MMS19: variants seen among roughly 807,000 people sequenced by gnomAD.
The protein encoded by MMS19 is MMS19 nucleotide excision repair protein homolog.
A neutral mutation model predicts 129.8 loss-of-function variants in MMS19; 77 were observed. The observed-to-expected ratio is 0.59, with a 90% confidence interval of 0.49 to 0.72. The LOEUF is 0.72. Among genes scored for constraint, MMS19 ranks in the 30% least tolerant of loss-of-function variants. The pLI, the probability that MMS19 is intolerant of heterozygous loss-of-function variation, is 0.00. For missense variants in MMS19, 1,168 were observed against 1,266.3 expected, an observed-to-expected ratio of 0.92 and a Z score of 1.18; for synonymous variants, 491 against 502.8, an observed-to-expected ratio of 0.98 and a Z score of 0.31.
intron 25 of MMS19, 78 bp from the exon 26 acceptor site, chr10:97,460,310 G>A (rs1319978917): frequency 1.4e-5 from 19 of 1,360,542 alleles, no homozygotes; most frequent in Non-Finnish European, 1.8e-5. Flanking sequence ...GGCCGGGTGT[G>A]GTGGCTCATG....
Position 97,462,095 on chromosome 10 carries a change from G to GT in MMS19, c.2036dup (p.His679GlnfsTer16), listed in dbSNP as rs1434483474. The GT allele has an allele frequency of 6.3e-7, 1 of 1,583,796 alleles. No individual in the cohort carries two copies. Among genetic ancestry groups the GT allele is most frequent in the Non-Finnish European group, 8.6e-7 (1 of 1,164,548 alleles). The stretch of plus-strand genomic sequence containing the variant: ...TGCCATCCAAGAAGAGGGGCACAAT[G>GT]TGTGTCACACTCTGGGCAGCTAACC... On this transcript the variant is annotated frameshift_variant, in exon 21 of 31. Transcript: ENST00000438925. LOFTEE classifies it high-confidence loss of function.
chr10:97,458,531 T>C lies in MMS19; in HGVS notation c.*161A>G. 1.5e-6 allele frequency: 1 copy of C among 674,100 alleles called. No individual in the cohort carries two copies. The highest frequency in any genetic ancestry group is 2.5e-6 in the Non-Finnish European group (1 of 401,988). 41.8% of individuals were successfully genotyped at this position (674,100 alleles called of 1,614,324 possible). On this transcript the variant is annotated 3_prime_UTR_variant, in exon 31 of 31. Transcript: ENST00000438925. ...ACAAATCCACTAGAAATATGGACTC[T>C]TATGTTCTTTGTACAGCCATGCAAC...
intron 4 of MMS19, 99 bp downstream of exon 4, chr10:97,478,205 G>T: frequency 1.1e-6 from 1 of 932,856 alleles, no homozygotes; most frequent in Non-Finnish European, 1.7e-6. Context: ...TTGGGCACCT[G>T]CTCCTCAGCA....
intron 1 of MMS19, among the ~76,000 whole-genome samples, chr10:97,485,021 C>G (rs1298840401): frequency 6.6e-6 from 1 of 152,194 alleles, no homozygotes; most frequent in East Asian, 1.9e-4. Flanking sequence ...ATGATCCTCC[C>G]ATCTCAGTCT....
chr10:97,467,904 G>T (rs1418174022), intron 13 of MMS19, among the ~76,000 whole-genome samples: 1 of 149,912 alleles, frequency 6.7e-6, no homozygotes, highest in East Asian at 2.0e-4. Flanking sequence ...CTAGCCTCAA[G>T]TGATTGTCCT....
chr10:97,467,621 T>C (rs955160230), intron 13 of MMS19, 38 bp from the exon 14 acceptor site: 1 of 1,587,582 alleles, frequency 6.3e-7, no homozygotes, highest in Non-Finnish European at 8.6e-7. Flanking sequence ...CAAAGAATAT[T>C]TTAAAGGATT....
At chr10:97,481,791 A>G (rs897974430) in intron 2 of MMS19, among the ~76,000 whole-genome samples, 6 of 152,142 alleles carry the variant, frequency 3.9e-5, no homozygotes, top group Non-Finnish European at 5.9e-5. Context: ...AAGAGTGTAT[A>G]TAACTCAGAG....
Position 97,481,081 on chromosome 10 carries a change from A to C in MMS19, c.162-39T>G, listed in dbSNP as rs29001277. ...GGATAGAGAGAACCTGCAATTACCC[A>C]GTTCAAATGTTTGAAGAAATAAACA... is the stretch of plus-strand genomic sequence containing the variant. On this transcript the variant is annotated intron_variant, in intron 2 of 30. Coordinates refer to ENST00000438925, the MANE Select transcript of MMS19 (RefSeq NM_022362.5). 1.1e-5 allele frequency: 13 copies of C among 1,212,912 alleles called. No individual in the cohort carries two copies. In the African/African-American group the frequency reaches 1.5e-4, roughly 14 times the overall value. 75.1% of individuals were successfully genotyped at this position (1,212,912 alleles called of 1,614,324 possible).
chr10:97,479,359 C>T lies in MMS19; in HGVS notation c.263-970G>A, dbSNP rs908241531. On this transcript the variant is annotated intron_variant, in intron 3 of 30. Coordinates refer to ENST00000438925, the MANE Select transcript of MMS19 (RefSeq NM_022362.5). ...CTGTAAACTGAACCTCACATTGACA[C>T]GCCATTCTTGTGAGGACCCTTAGAT... 1.9e-4 allele frequency among the ~76,000 whole-genome samples: 29 copies of T among 152,266 alleles called. 1 individual carries two copies. Among genetic ancestry groups the T allele is most frequent in the Middle Eastern group, 6.8e-3 (2 of 294 alleles).
chr10:97,484,122 G>T lies in MMS19; in HGVS notation c.142C>A (p.Gln48Lys), dbSNP rs1353447188. Residue 48 changes from glutamine to lysine, a missense_variant, in exon 2 of 31, where the codon CAA becomes AAA. Physicochemically the swap from Gln to Lys is moderately conservative, Grantham distance 53 (BLOSUM62 1). Transcript: ENST00000438925. ...DVKSGNYTVL[Q>K]VVEALGSSLE... ...TCTTACCCAAGGGCTTCCACAACTT[G>T]TAACACTGTATAGTTGCCAGATTTC... 1.5e-5 allele frequency: 23 copies of T among 1,546,742 alleles called. No individual in the cohort carries two copies. The highest frequency in any genetic ancestry group is 1.8e-5 in the Non-Finnish European group (21 of 1,140,936).
chr10:97,469,022 A>G lies in MMS19; in HGVS notation c.1007T>C (p.Val336Ala), dbSNP rs1216279815. ...GAGGTCCTCAGCATCAGCCCTCAGC[A>G]CAGAGCGAGACAAACACGCAGTCAG... is the stretch of plus-strand genomic sequence containing the variant. ...HSLTACLSRS[V>A]LRADAEDLLD... The change falls in exon 12 of 31, where the codon GTG becomes GCG. Residue 336 changes from valine to alanine, a missense_variant. Around this residue, in one of 3 missense-constraint regions of MMS19, gnomAD observed 831 missense variants for 910.8 expected, o/e 0.91. Coordinates refer to ENST00000438925, the MANE Select transcript of MMS19 (RefSeq NM_022362.5). 3.8e-6 allele frequency: 6 copies of G among 1,586,174 alleles called. No individual in the cohort carries two copies. The Admixed American group carries it at 8.9e-5, about 24-fold the overall frequency.
At chr10:97,459,127 C>G in intron 29 of MMS19, 96 bp downstream of exon 29, 1 of 1,225,530 alleles carries the variant, frequency 8.2e-7, no homozygotes, top group Non-Finnish European at 1.1e-6. Flanking sequence ...CTCAATTACA[C>G]ACCAGGGTGG....
intron 18 of MMS19, 126 bp downstream of exon 18, chr10:97,465,679 A>ATTTTT: frequency 1.2e-6 from 1 of 860,418 alleles, no homozygotes; most frequent in Non-Finnish European, 1.7e-6. Context: ...AGGCATCAGT[A>ATTTTT]TTTTTTTTTT....
intron 3 of MMS19, 78 bp from the exon 4 acceptor site, chr10:97,478,467 T>C: frequency 9.6e-7 from 1 of 1,039,848 alleles, no homozygotes; most frequent in Middle Eastern, 2.0e-4. Context: ...CCTAAGTCTA[T>C]AACAGTTGTT....
rs29001314 is a variant in MMS19 at position 97,466,899 on chromosome 10, G to C, written c.1300C>G (p.Gln434Glu). The stretch of plus-strand genomic sequence containing the variant: ...TCCTTGAAGCCATTCAGAGGCCTTT[G>C]ATCTAGGGAAGAGACAGAGGCCAGG... ...QQKWSYEDKD[Q>E]RPLNGFKDQL... The change falls in exon 15 of 31, where the codon CAA becomes GAA. Residue 434 changes from glutamine (Q) to glutamate (E), a missense_variant and splice_region_variant. Gln to Glu is a conservative substitution (Grantham distance 29). Coordinates refer to ENST00000438925, the MANE Select transcript of MMS19 (RefSeq NM_022362.5). 1.3e-4 allele frequency: 208 copies of C among 1,613,864 alleles called. 2 individuals are homozygous for C. In the East Asian group the frequency reaches 3.7e-3, roughly 29 times the overall value.
At chr10:97,460,590 G>C in intron 25 of MMS19, 105 bp downstream of exon 25, 5 of 1,016,518 alleles carry the variant, frequency 4.9e-6, no homozygotes, top group African/African-American at 1.6e-5. Flanking sequence ...AAAAAGAAAA[G>C]AAAACAAAAA....
In MMS19 at chr10:97,484,158, G is replaced by T; in HGVS notation, c.113-7C>A. On this transcript the variant is annotated splice_region_variant and splice_polypyrimidine_tract_variant and intron_variant, in intron 1 of 30. Coordinates refer to ENST00000438925, the MANE Select transcript of MMS19 (RefSeq NM_022362.5). Reference sequence around the variant, plus strand: ...TAGTTGCCAGATTTCACATCTGCAGGAAATAAAATAAATAAATATGAAAAA... The same window carrying T: ...TAGTTGCCAGATTTCACATCTGCAGTAAATAAAATAAATAAATATGAAAAA... 1.4e-6 allele frequency: 2 copies of T among 1,479,072 alleles called. No homozygotes were observed. Among genetic ancestry groups the T allele is most frequent in the Non-Finnish European group, 1.8e-6 (2 of 1,099,688 alleles). 91.6% of individuals were successfully genotyped at this position (1,479,072 alleles called of 1,614,324 possible).
chr10:97,492,020 C>T (rs974150162), intron 1 of MMS19, among the ~76,000 whole-genome samples: 37 of 151,486 alleles, frequency 2.4e-4, no homozygotes, highest in African/African-American at 8.5e-4. Flanking sequence ...TGCCTGTAAT[C>T]CTAGCTACTC....
intron 3 of MMS19, among the ~76,000 whole-genome samples, chr10:97,479,868 TAGAG>T (rs1315662649): frequency 1.3e-5 from 2 of 150,448 alleles, no homozygotes; most frequent in African/African-American, 4.9e-5. Flanking sequence ...TTTAGGCAAA[TAGAG>T]AGGAAAAGGG....
Sources: allele counts gnomAD v4.1 joint callset (sites outside exome capture counted in the v4.1 genomes callset), GRCh38; gene constraint gnomAD v4.1.1; regional missense constraint gnomAD v4.1.1; transcripts MANE v1.5; gene names NCBI Gene and HGNC (gene_info 2026-07-23, HGNC 2026-07-21).